The following AVL9 variants were observed in gnomAD, a reference collection of about 807,000 sequenced individuals.
AVL9 encodes the protein late secretory pathway protein AVL9 homolog.
AVL9 carries 49 observed loss-of-function variants against 79.2 expected under a neutral mutation model. That is an observed-to-expected ratio of 0.62 (90% CI 0.49 to 0.79). The LOEUF is 0.79. Ranked by LOEUF, AVL9 falls within the 30% of genes least tolerant of loss-of-function variation. AVL9 has a pLI of 0.00. For synonymous variants in AVL9, 299 were observed against 280.6 expected, an observed-to-expected ratio of 1.07 and a Z score of -0.65; for missense variants, 682 against 776.8, an observed-to-expected ratio of 0.88 and a Z score of 1.45.
rs1053290959 is a variant in AVL9, at chr7:32,569,894, T to C, written c.1216-126T>C. 3 of 835,798 alleles carry C rather than the reference T, an allele frequency of 3.6e-6. No individual in the cohort carries two copies. The African/African-American group carries it at 5.1e-5, about 14-fold the overall frequency. The allele number at this position is 835,798 out of a possible 1,614,324, so 51.8% of individuals were successfully genotyped here. On this transcript the variant is annotated intron_variant, in intron 10 of 15. Transcript: ENST00000318709. ...GAATATTATTTTATTGAGTCAAAGA[T>C]TAGCTGACTTACAGACAGGGCAAGG...
chr7:32,507,164 G>A (rs1787447802), intron 1 of AVL9, among the ~76,000 whole-genome samples: 1 of 152,128 alleles, frequency 6.6e-6, no homozygotes, highest in African/African-American at 2.4e-5. Context: ...GGGTTTTTAT[G>A]TATATCCTTG....
chr7:32,508,057 T>A (rs1787489314), intron 1 of AVL9, among the ~76,000 whole-genome samples: 2 of 152,376 alleles, frequency 1.3e-5, no homozygotes, highest in South Asian at 4.1e-4. Context: ...AATCTTATCC[T>A]GTTTTTCAAT....
At chr7:32,567,706 T>TTTTA (rs939438237) in intron 10 of AVL9, among the ~76,000 whole-genome samples, 41 of 151,552 alleles carry the variant, frequency 2.7e-4, no homozygotes, top group Admixed American at 2.2e-3. Flanking sequence ...TTTATTTTAT[T>TTTTA]TTTATTTATT....
At chr7:32,499,063 TGAGG>T (rs1786998551) in intron 1 of AVL9, among the ~76,000 whole-genome samples, 5 of 148,354 alleles carry the variant, frequency 3.4e-5, no homozygotes, top group Admixed American at 6.8e-5. Flanking sequence ...CTTGGGAGGC[TGAGG>T]CAGGAGATTT....
chr7:32,570,996 G>A (rs556017836), intron 11 of AVL9, among the ~76,000 whole-genome samples: 6 of 146,906 alleles, frequency 4.1e-5, no homozygotes, highest in South Asian at 2.2e-4. Flanking sequence ...TGGGGAGGCC[G>A]AGGTGGGTAG....
At chr7:32,500,376 A>G (rs1004672364) in intron 1 of AVL9, among the ~76,000 whole-genome samples, 8 of 152,128 alleles carry the variant, frequency 5.3e-5, no homozygotes, top group Non-Finnish European at 1.2e-4. Context: ...TATTGGCTGC[A>G]CAGATATCTT....
chr7:32,521,989 G>A (rs1562762254), intron 1 of AVL9, among the ~76,000 whole-genome samples: 2 of 152,230 alleles, frequency 1.3e-5, no homozygotes, highest in African/African-American at 2.4e-5. Flanking sequence ...GAGCCTGCAG[G>A]TGCACAGAAG....
intron 1 of AVL9, among the ~76,000 whole-genome samples, chr7:32,512,274 A>G (rs576833948): frequency 4.6e-5 from 7 of 152,240 alleles, no homozygotes; most frequent in Non-Finnish European, 5.9e-5. Flanking sequence ...CTAGGAGAGC[A>G]GTTCTGAAGC....
chr7:32,551,304 T>A, intron 4 of AVL9, 30 bp from the exon 5 acceptor site: 1 of 1,397,946 alleles, frequency 7.2e-7, no homozygotes, highest in Non-Finnish European at 1.0e-6. Flanking sequence ...TAATTATTAA[T>A]CAATGGTAAT....
At chr7:32,577,410 C>T (rs985740230) in intron 13 of AVL9, among the ~76,000 whole-genome samples, 1 of 152,194 alleles carries the variant, frequency 6.6e-6, no homozygotes, top group African/African-American at 2.4e-5. Context: ...AATTAAAAGG[C>T]AAAACCATTT....
chr7:32,519,456 G>T (rs1197336672), intron 1 of AVL9, among the ~76,000 whole-genome samples: 2 of 151,154 alleles, frequency 1.3e-5, no homozygotes, highest in Non-Finnish European at 3.0e-5. Flanking sequence ...AGAAATGGAA[G>T]GGCCTTCAGA....
intron 1 of AVL9, among the ~76,000 whole-genome samples, chr7:32,504,008 C>G (rs751941066): frequency 6.6e-6 from 1 of 152,200 alleles, no homozygotes; most frequent in African/African-American, 2.4e-5. Context: ...ATGAAACCCA[C>G]GTCTGCCCCG....
chr7:32,531,876 GTTCA>G (rs1788673936), intron 1 of AVL9: 1 of 155,694 alleles, frequency 6.4e-6, no homozygotes, highest in Admixed American at 6.4e-5. Flanking sequence ...GTGTTACAGT[GTTCA>G]TTTCGCTCTT....
At chr7:32,576,304 C>T (rs1583602145) in intron 13 of AVL9, among the ~76,000 whole-genome samples, 1 of 152,122 alleles carries the variant, frequency 6.6e-6, no homozygotes, top group Non-Finnish European at 1.5e-5. Context: ...CCCTGGCTCT[C>T]GATGTGATTC....
In AVL9 at chr7:32,573,355, G is replaced by A. The variant is rs1185481709; in HGVS notation, c.1507G>A (p.Glu503Lys). 6.2e-6 allele frequency: 10 copies of A among 1,613,634 alleles called. No individual in the cohort carries two copies. The highest frequency in any genetic ancestry group is 2.2e-5 in the South Asian group (2 of 91,072). The change falls in exon 12 of 16, where the codon GAA becomes AAA. Residue 503 changes from glutamate to lysine, a missense_variant. Physicochemically the swap from Glu to Lys is moderately conservative, Grantham distance 56 (BLOSUM62 1). Transcript: ENST00000318709. ...TGGCACGGGCTGGGAGGGAGGTGAC[G>A]AATGGATCCGGGCCCAGTTTGCGGT... ...LDGTGWEGGDEWIRAQFAVYI... is the reference protein window; with the variant it reads ...LDGTGWEGGDKWIRAQFAVYI...
At chr7:32,503,752 C>T (rs976907566) in intron 1 of AVL9, among the ~76,000 whole-genome samples, 2 of 151,508 alleles carry the variant, frequency 1.3e-5, no homozygotes, top group Admixed American at 1.3e-4. Flanking sequence ...AAATGATCTT[C>T]GTTCACTGCA....
chr7:32,562,526 A>G (rs573848705), intron 10 of AVL9: 2 of 585,768 alleles, frequency 3.4e-6, no homozygotes, highest in South Asian at 7.4e-5. Flanking sequence ...TAAATGCAAT[A>G]TAGTAAATCA....
chr7:32,532,818 T>A (rs979492433), intron 1 of AVL9: 4 of 152,180 alleles, frequency 2.6e-5, no homozygotes, highest in Non-Finnish European at 5.9e-5. Flanking sequence ...GGTGGGAAGA[T>A]TGCTTGATCC....
chr7:32,499,519 A>C (rs1787022035), intron 1 of AVL9, among the ~76,000 whole-genome samples: 1 of 152,198 alleles, frequency 6.6e-6, no homozygotes, highest in Admixed American at 6.5e-5. Context: ...AGCAGTTTTA[A>C]GTCTTAAGTA....
Sources: gnomAD v4.1 joint callset for allele counts (sites outside exome capture counted in the v4.1 genomes callset) on GRCh38, gnomAD v4.1.1 for gene constraint, MANE v1.5 for transcripts, NCBI Gene and HGNC (gene_info 2026-07-23, HGNC 2026-07-21) for gene names.